SIPA1L2: variants seen among roughly 807,000 people sequenced by gnomAD.
SIPA1L2 encodes signal induced proliferation associated 1 like 2, also known as signal-induced proliferation-associated 1-like protein 2.
A neutral mutation model predicts 163.9 loss-of-function variants in SIPA1L2; 56 were observed. The observed-to-expected ratio is 0.34, with a 90% confidence interval of 0.28 to 0.43. The LOEUF (loss-of-function observed/expected upper bound fraction) is 0.43, where lower values mean the gene tolerates loss of function less well. Ranked by LOEUF, SIPA1L2 falls within the 20% of genes least tolerant of loss-of-function variation. SIPA1L2 has a pLI of 1.00. For missense variants in SIPA1L2, 1,974 were observed against 2,193.5 expected, an observed-to-expected ratio of 0.90 and a Z score of 2.00; for synonymous variants, 877 against 865.7, an observed-to-expected ratio of 1.01 and a Z score of -0.23.
chr1:232,492,211 G>A (rs866828228), intron 4 of SIPA1L2, among the ~76,000 whole-genome samples: 3 of 152,014 alleles, frequency 2.0e-5, no homozygotes, highest in Middle Eastern at 6.8e-3. Context: ...ACTAGAAAAG[G>A]GCTCTGTGTT....
chr1:232,534,091 G>GAA (rs199652815), intron 2 of SIPA1L2, among the ~76,000 whole-genome samples: 1 of 151,268 alleles, frequency 6.6e-6, no homozygotes, highest in African/African-American at 2.4e-5. Flanking sequence ...AAACAATCTT[G>GAA]AAAAAAAAGA....
At chr1:232,626,978 G>A (rs1663110416) in intron 1 of SIPA1L2, among the ~76,000 whole-genome samples, 1 of 151,980 alleles carries the variant, frequency 6.6e-6, no homozygotes, top group Admixed American at 6.6e-5. Flanking sequence ...ATTAACAGAA[G>A]TAGAAAACCT....
intron 1 of SIPA1L2, among the ~76,000 whole-genome samples, chr1:232,606,156 A>G (rs946823241): frequency 1.1e-4 from 17 of 152,246 alleles, no homozygotes; most frequent in African/African-American, 4.1e-4. Flanking sequence ...TTGCTATTCA[A>G]ACATAATTCT....
intron 1 of SIPA1L2, among the ~76,000 whole-genome samples, chr1:232,578,411 T>G (rs1660195926): frequency 6.6e-6 from 1 of 152,026 alleles, no homozygotes; most frequent in African/African-American, 2.4e-5. Flanking sequence ...AAAAGATAAA[T>G]GTTTCTTACA....
At chr1:232,531,227 T>A (rs1656912598) in intron 2 of SIPA1L2, among the ~76,000 whole-genome samples, 1 of 151,384 alleles carries the variant, frequency 6.6e-6, no homozygotes, top group African/African-American at 2.4e-5. Context: ...TTTAGCTGCA[T>A]TTTACCTATC....
At chr1:232,600,351 GT>G (rs1661528173) in intron 1 of SIPA1L2, among the ~76,000 whole-genome samples, 1 of 152,072 alleles carries the variant, frequency 6.6e-6, no homozygotes, top group African/African-American at 2.4e-5. Context: ...TCCCTAATAA[GT>G]TATAGCCAAA....
intron 1 of SIPA1L2, among the ~76,000 whole-genome samples, chr1:232,597,689 CAAAAAAAA>C (rs376123118): frequency 0.012 from 816 of 65,390 alleles, 11 homozygotes; most frequent in African/African-American, 0.043. Flanking sequence ...AACTCTGTCT[CAAAAAAAA>C]AAAAAAAAAA....
At chr1:232,557,369 A>G (rs1658774340) in intron 2 of SIPA1L2, among the ~76,000 whole-genome samples, 3 of 152,338 alleles carry the variant, frequency 2.0e-5, no homozygotes, top group Admixed American at 1.3e-4. Flanking sequence ...TGGAAGCCAC[A>G]TACAGCAGGG....
intron 18 of SIPA1L2, among the ~76,000 whole-genome samples, chr1:232,423,280 G>C (rs960006093): frequency 2.0e-5 from 3 of 152,146 alleles, no homozygotes; most frequent in African/African-American, 7.2e-5. Flanking sequence ...TTCAACTTAT[G>C]GTGGGTTTAT....
At chr1:232,410,171 C>T in intron 19 of SIPA1L2, among the ~76,000 whole-genome samples, 1 of 152,068 alleles carries the variant, frequency 6.6e-6, no homozygotes, top group East Asian at 1.9e-4. Flanking sequence ...CATAAGCAAT[C>T]TGCTTATAAA....
chr1:232,471,354 A>G lies in SIPA1L2; in HGVS notation c.2243+17T>C. On this transcript the variant is annotated intron_variant, in intron 8 of 22. Coordinates refer to ENST00000674635, the MANE Select transcript of SIPA1L2 (RefSeq NM_020808.5). ...AATAAACCTGGGAGAATGATAGATCAGGGATGACTGACTCACCTATAACAC... is the reference window on the plus strand; with the variant it reads ...AATAAACCTGGGAGAATGATAGATCGGGGATGACTGACTCACCTATAACAC... 1 of 1,603,946 alleles carries G rather than the reference A, an allele frequency of 6.2e-7. No homozygotes were observed.
chr1:232,560,576 C>T (rs986644088), intron 2 of SIPA1L2, among the ~76,000 whole-genome samples: 1 of 152,164 alleles, frequency 6.6e-6, no homozygotes, highest in Admixed American at 6.5e-5. Context: ...GTACTGGTCA[C>T]CTTGCCCAGC....
chr1:232,420,777 G>C (rs967255057), intron 18 of SIPA1L2, among the ~76,000 whole-genome samples: 1 of 152,208 alleles, frequency 6.6e-6, no homozygotes, highest in Admixed American at 6.5e-5. Flanking sequence ...AGAGCTTGCA[G>C]TGAGCCGAGA....
chr1:232,600,984 A>AG (rs1211090704), intron 1 of SIPA1L2, among the ~76,000 whole-genome samples: 4 of 152,240 alleles, frequency 2.6e-5, no homozygotes, highest in Non-Finnish European at 5.9e-5. Flanking sequence ...GTAGAATGAC[A>AG]GTCCCTGTTT....
chr1:232,543,635 G>A (rs1657827603), intron 2 of SIPA1L2, among the ~76,000 whole-genome samples: 1 of 152,252 alleles, frequency 6.6e-6, no homozygotes, highest in East Asian at 1.9e-4. Flanking sequence ...TTGCGAGGCT[G>A]AGGAGGGAGG....
At chr1:232,474,669 T>C (rs1001780323) in intron 7 of SIPA1L2, among the ~76,000 whole-genome samples, 1 of 152,170 alleles carries the variant, frequency 6.6e-6, no homozygotes, top group Non-Finnish European at 1.5e-5. Context: ...TGCCAATTAC[T>C]CTGATGTGAT....
At chr1:232,571,870 T>C (rs1469707068) in intron 2 of SIPA1L2, among the ~76,000 whole-genome samples, 1 of 152,188 alleles carries the variant, frequency 6.6e-6, no homozygotes, top group Non-Finnish European at 1.5e-5. Flanking sequence ...CAGATGCCAG[T>C]ACCATGCTTC....
rs752479131 is a variant in SIPA1L2 at position 232,439,120 on chromosome 1, G to A, written c.4019C>T (p.Ser1340Phe). 1 of 1,606,484 alleles carries A rather than the reference G, an allele frequency of 6.2e-7. No individual in the cohort carries two copies. Among genetic ancestry groups the A allele is most frequent in the Non-Finnish European group, 8.5e-7 (1 of 1,176,032 alleles). ...CTGTGGGGCTTACCTGGAATGAGAG[G>A]ATATCTCACTGAGATCGCCCATGCT... ...EGSMGDLSEI[S>F]SHSSGSHHSG... is the part of the protein sequence containing the mutation. Residue 1340 changes from serine (S) to phenylalanine (F), a missense_variant, in exon 15 of 23, where the codon TCC (serine) becomes TTC (phenylalanine). Ser to Phe is a radical substitution (Grantham distance 155). Coordinates refer to ENST00000674635, the MANE Select transcript of SIPA1L2 (RefSeq NM_020808.5).
At position 232,447,367 on chromosome 1, in the gene SIPA1L2, C is replaced by T. The variant is rs58239652; in HGVS notation, c.3096-1581G>A. On this transcript the variant is annotated intron_variant, in intron 10 of 22. Coordinates refer to ENST00000674635, the MANE Select transcript of SIPA1L2 (RefSeq NM_020808.5). ...TATCTACCCCCAGCTGGCTGATCTG[C>T]TCCAGCCCCGCCTCCTGGCAATCGT... 8.4e-3 allele frequency among the ~76,000 whole-genome samples: 1,280 copies of T among 152,352 alleles called. 15 individuals are homozygous for T. Among genetic ancestry groups the T allele is most frequent in the African/African-American group, 0.028 (1,159 of 41,576 alleles).
Sources: allele counts gnomAD v4.1 joint callset (sites outside exome capture counted in the v4.1 genomes callset), GRCh38; gene constraint gnomAD v4.1.1; transcripts MANE v1.5; gene names NCBI Gene and HGNC (gene_info 2026-07-23, HGNC 2026-07-21).